Variants in LRRC4C observed in about 807,000 individuals in gnomAD.
LRRC4C encodes leucine-rich repeat-containing protein 4C.
In LRRC4C, 5 loss-of-function variants were observed where a neutral mutation model predicts 33.6. That is an observed-to-expected ratio of 0.15 (90% confidence interval 0.08 to 0.31). The LOEUF (loss-of-function observed/expected upper bound fraction) is 0.31, where lower values mean the gene tolerates loss of function less well. Ranked by LOEUF, LRRC4C falls within the 10% of genes least tolerant of loss-of-function variation. The pLI is 1.00. For missense variants in LRRC4C, 560 were observed against 796.7 expected, an observed-to-expected ratio of 0.70 and a Z score of 3.58; for synonymous variants, 329 against 302.0, an observed-to-expected ratio of 1.09 and a Z score of -0.93.
intron 2 of LRRC4C, among the ~76,000 whole-genome samples, chr11:40,799,835 C>A (rs1468614040): frequency 6.6e-6 from 1 of 152,162 alleles, no homozygotes; most frequent in African/African-American, 2.4e-5. Flanking sequence ...CAGATTTTCT[C>A]TTTGTAAAAA....
At chr11:40,615,905 C>T (rs948895929) in intron 3 of LRRC4C, among the ~76,000 whole-genome samples, 4 of 151,708 alleles carry the variant, frequency 2.6e-5, no homozygotes, top group Admixed American at 6.6e-5. Flanking sequence ...AATCTGCTCA[C>T]GGTAATCTAA....
chr11:40,565,632 C>A (rs1009586757), intron 3 of LRRC4C, among the ~76,000 whole-genome samples: 2 of 152,130 alleles, frequency 1.3e-5, no homozygotes, highest in African/African-American at 4.8e-5. Context: ...ATTCCTCACC[C>A]AAAGACTCTT....
At chr11:40,162,254 C>T (rs867281027) in intron 5 of LRRC4C, among the ~76,000 whole-genome samples, 13 of 152,070 alleles carry the variant, frequency 8.5e-5, no homozygotes, top group South Asian at 2.1e-4. Context: ...GTCTGCTTGA[C>T]CTTCATTAGC....
intron 2 of LRRC4C, among the ~76,000 whole-genome samples, chr11:40,803,141 T>G (rs955583417): frequency 1.3e-5 from 2 of 152,212 alleles, no homozygotes; most frequent in East Asian, 3.8e-4. Context: ...CTGTAATATT[T>G]GCTATGTGAC....
At chr11:41,092,902 A>G (rs1418016217) in intron 1 of LRRC4C, among the ~76,000 whole-genome samples, 1 of 152,214 alleles carries the variant, frequency 6.6e-6, no homozygotes, top group Non-Finnish European at 1.5e-5. Context: ...ATGTTCTTTT[A>G]ACTCTAGAAT....
chr11:40,453,333 T>C (rs1951980369), intron 3 of LRRC4C, among the ~76,000 whole-genome samples: 1 of 151,930 alleles, frequency 6.6e-6, no homozygotes, highest in South Asian at 2.1e-4. Context: ...AAGTAGTGTA[T>C]ACAAAAAATA....
At chr11:40,718,156 T>C (rs1946827379) in intron 2 of LRRC4C, among the ~76,000 whole-genome samples, 1 of 152,222 alleles carries the variant, frequency 6.6e-6, no homozygotes, top group Admixed American at 6.5e-5. Flanking sequence ...AATAAATTGG[T>C]ATGCCTGCAT....
chr11:40,748,419 A>T (rs1413735360), intron 2 of LRRC4C, among the ~76,000 whole-genome samples: 1 of 152,060 alleles, frequency 6.6e-6, no homozygotes, highest in Non-Finnish European at 1.5e-5. Context: ...GGAGTAAAAA[A>T]CCTTAAGTCG....
intron 2 of LRRC4C, among the ~76,000 whole-genome samples, chr11:40,834,911 G>GACAGACAGACACACACACACAC (rs748483585): frequency 0.14 from 11,675 of 84,556 alleles, 1,462 homozygotes; most frequent in East Asian, 0.3. Flanking sequence ...CAGACAGACA[G>GACAGACAGACACACACACACAC]ACACACACAC....
In LRRC4C at chr11:41,442,673, G is replaced by C. The variant is rs777476000; in HGVS notation, c.-496+16758C>G. ...TTTAGTAGAGACGGGGTTTCACTGT[G>C]TTAGCCAGGATGGTCTCGATCTCCT... On this transcript the variant is annotated intron_variant, in intron 1 of 6. Coordinates refer to ENST00000528697, the MANE Select transcript of LRRC4C (RefSeq NM_001258419.2). Among the ~76,000 whole-genome samples, 3 of 151,734 alleles carry C rather than the reference G, an allele frequency of 2.0e-5. No individual in the cohort carries two copies. In the East Asian group the frequency reaches 5.8e-4, roughly 30 times the overall value.
At chr11:40,345,520 C>T (rs578208574) in intron 3 of LRRC4C, among the ~76,000 whole-genome samples, 7 of 152,198 alleles carry the variant, frequency 4.6e-5, no homozygotes, top group African/African-American at 1.7e-4. Context: ...AACTGGACCC[C>T]TTCCTTATGC....
intron 1 of LRRC4C, among the ~76,000 whole-genome samples, chr11:41,054,934 A>C (rs1858510170): frequency 6.6e-6 from 1 of 152,158 alleles, no homozygotes; most frequent in African/African-American, 2.4e-5. Flanking sequence ...TGTATTGTAA[A>C]TTTATTGACT....
intron 3 of LRRC4C, among the ~76,000 whole-genome samples, chr11:40,584,795 G>A (rs1254687039): frequency 2.0e-5 from 3 of 151,948 alleles, no homozygotes; most frequent in Non-Finnish European, 2.9e-5. Flanking sequence ...AGCCAGGCAT[G>A]GTGGTGCACA....
chr11:41,293,495 A>G lies in LRRC4C; in HGVS notation c.-496+165936T>C, dbSNP rs906704640. Among the ~76,000 whole-genome samples, 42 of 152,270 alleles carry G rather than the reference A, an allele frequency of 2.8e-4. 1 individual carries two copies. The highest frequency in any genetic ancestry group is 9.6e-4 in the African/African-American group (40 of 41,582). ...AATTTTCATTGTTTTTGCCCTGTGT[A>G]GGTTAATATCACACACTTTTTACAA... is the stretch of plus-strand genomic sequence containing the variant. On this transcript the variant is annotated intron_variant, in intron 1 of 6. Coordinates refer to ENST00000528697, the MANE Select transcript of LRRC4C (RefSeq NM_001258419.2).
intron 1 of LRRC4C, among the ~76,000 whole-genome samples, chr11:40,995,033 G>A (rs1178818151): frequency 6.6e-6 from 1 of 152,012 alleles, no homozygotes. Context: ...CCTATGATTT[G>A]GAAGTCTTTG....
chr11:41,333,327 ATTATT>A (rs1280539461), intron 1 of LRRC4C, among the ~76,000 whole-genome samples: 2 of 152,200 alleles, frequency 1.3e-5, no homozygotes, highest in African/African-American at 4.8e-5. Flanking sequence ...TCAGTTTTAT[ATTATT>A]TTATTCTAGA....
At chr11:41,065,552 G>A (rs35286713) in intron 1 of LRRC4C, among the ~76,000 whole-genome samples, 35,861 of 152,044 alleles carry the variant, frequency 0.24, 4,500 homozygotes, top group East Asian at 0.33. Context: ...CCAGCATAGC[G>A]CACCAGCTCT....
intron 3 of LRRC4C, among the ~76,000 whole-genome samples, chr11:40,471,722 A>G (rs894154957): frequency 4.6e-5 from 7 of 150,898 alleles, no homozygotes; most frequent in African/African-American, 1.5e-4. Flanking sequence ...CTAGTCTCTG[A>G]TAAAACAGAC....
intron 1 of LRRC4C, among the ~76,000 whole-genome samples, chr11:41,144,906 T>C (rs1214127484): frequency 6.6e-6 from 1 of 152,184 alleles, no homozygotes; most frequent in Non-Finnish European, 1.5e-5. Context: ...TACATTCCAA[T>C]GTTTTGAAGG....
Sources: gnomAD v4.1 joint callset for allele counts (sites outside exome capture counted in the v4.1 genomes callset) on GRCh38, gnomAD v4.1.1 for gene constraint, MANE v1.5 for transcripts, NCBI Gene and HGNC (gene_info 2026-07-23, HGNC 2026-07-21) for gene names.